Variants in FAM135B observed in about 807,000 individuals in gnomAD.
FAM135B encodes protein FAM135B.
In FAM135B, 43 loss-of-function variants were observed where a neutral mutation model predicts 127.7. That is an observed-to-expected ratio of 0.34 (90% CI 0.26 to 0.43). FAM135B has a LOEUF of 0.43. Among genes scored for constraint, FAM135B ranks in the 20% least tolerant of loss-of-function variants. The pLI is 1.00. For missense variants in FAM135B, 1,558 were observed against 1,725.6 expected (o/e 0.90, Z 1.72); for synonymous variants, 670 against 665.1 (o/e 1.01, Z -0.11).
intron 7 of FAM135B, among the ~76,000 whole-genome samples, chr8:138,197,961 G>A (rs1467449140): frequency 6.6e-6 from 1 of 152,180 alleles, no homozygotes; most frequent in African/African-American, 2.4e-5. Flanking sequence ...AATAACGAAT[G>A]ATCATGAAGG....
intron 7 of FAM135B, among the ~76,000 whole-genome samples, chr8:138,229,013 G>A (rs1427551106): frequency 6.6e-5 from 10 of 151,300 alleles, no homozygotes; most frequent in East Asian, 2.0e-4. Context: ...CCTGCGAAGC[G>A]CCCGTGTTTC....
intron 7 of FAM135B, among the ~76,000 whole-genome samples, chr8:138,216,714 C>G (rs906112068): frequency 3.3e-5 from 5 of 152,146 alleles, no homozygotes; most frequent in Middle Eastern, 3.2e-3. Flanking sequence ...CATTTAAGAG[C>G]CAGTGATGGG....
At chr8:138,227,738 TGGTGGTGGTGGTGGTA>T (rs1353124740) in intron 7 of FAM135B, among the ~76,000 whole-genome samples, 9 of 123,594 alleles carry the variant, frequency 7.3e-5, no homozygotes, top group African/African-American at 2.7e-4. Context: ...TTTTTTTTTT[TGGTGGTGGTGGTGGTA>T]GTTGTTTTTT....
intron 9 of FAM135B, among the ~76,000 whole-genome samples, chr8:138,189,374 A>G (rs1563748148): frequency 6.6e-6 from 1 of 151,906 alleles, no homozygotes; most frequent in Non-Finnish European, 1.5e-5. Context: ...AATCACTTCA[A>G]CCTCATTTTT....
At chr8:138,261,517 T>C (rs947573398) in intron 4 of FAM135B, among the ~76,000 whole-genome samples, 1 of 152,200 alleles carries the variant, frequency 6.6e-6, no homozygotes, top group Non-Finnish European at 1.5e-5. Flanking sequence ...AGCCTTTATT[T>C]TCCTGTATGT....
intron 11 of FAM135B, among the ~76,000 whole-genome samples, chr8:138,174,697 C>A (rs1419099165): frequency 1.3e-5 from 2 of 152,174 alleles, no homozygotes; most frequent in East Asian, 3.9e-4. Context: ...ATAAACATTA[C>A]AATCTCCTAG....
intron 7 of FAM135B, among the ~76,000 whole-genome samples, chr8:138,232,016 T>C (rs9969621): frequency 0.24 from 36,718 of 152,162 alleles, 5,066 homozygotes; most frequent in African/African-American, 0.35. Context: ...AGATTTCATC[T>C]TCCCATTAAG....
intron 7 of FAM135B, among the ~76,000 whole-genome samples, chr8:138,204,031 T>C (rs530468234): frequency 2.6e-5 from 4 of 152,044 alleles, no homozygotes; most frequent in Non-Finnish European, 5.9e-5. Flanking sequence ...TGATGGAGAG[T>C]GGCTGTAAAT....
chr8:138,160,566 T>TG (rs1202295500), intron 12 of FAM135B, among the ~76,000 whole-genome samples: 2 of 150,962 alleles, frequency 1.3e-5, no homozygotes, highest in Non-Finnish European at 3.0e-5. Context: ...TTTTTTTTTT[T>TG]TTTTGTATTT....
At chr8:138,260,095 A>C (rs555037867) in intron 4 of FAM135B, among the ~76,000 whole-genome samples, 24 of 152,302 alleles carry the variant, frequency 1.6e-4, no homozygotes, top group African/African-American at 5.3e-4. Context: ...CCTTTGTCCT[A>C]CTAGGGATAC....
intron 1 of FAM135B, among the ~76,000 whole-genome samples, chr8:138,407,043 A>G (rs1032670781): frequency 5.3e-5 from 8 of 151,228 alleles, no homozygotes; most frequent in African/African-American, 1.9e-4. Flanking sequence ...TAAGCTGATA[A>G]GCAACTTCAG....
chr8:138,131,630 T>C lies in FAM135B; in HGVS notation c.*963A>G, dbSNP rs1000338151. On this transcript the variant is annotated 3_prime_UTR_variant, in exon 20 of 20. Transcript: ENST00000395297. Reference sequence around the variant, plus strand: ...AATCCAGCACTCCTCCATTTAGATGTTTTCCTCCTTCCATGGAGAGGAGAA... The same window carrying C: ...AATCCAGCACTCCTCCATTTAGATGCTTTCCTCCTTCCATGGAGAGGAGAA... 6.6e-6 allele frequency: 1 copy of C among 152,646 alleles called. No homozygotes were observed. Among genetic ancestry groups the C allele is most frequent in the Non-Finnish European group, 1.5e-5 (1 of 68,046 alleles). 9.5% of individuals were successfully genotyped at this position (152,646 alleles called of 1,614,324 possible).
chr8:138,292,346 A>C (rs1825174607), intron 3 of FAM135B, among the ~76,000 whole-genome samples: 1 of 152,138 alleles, frequency 6.6e-6, no homozygotes, highest in Non-Finnish European at 1.5e-5. Context: ...ATGCCATTTA[A>C]AGCAACCTAT....
chr8:138,156,659 C>A (rs1039098775), intron 12 of FAM135B, among the ~76,000 whole-genome samples: 21 of 152,102 alleles, frequency 1.4e-4, no homozygotes, highest in Non-Finnish European at 1.2e-4. Context: ...TCAGAGAATA[C>A]TAAAAACACC....
At chr8:138,394,931 G>A (rs1031348730) in intron 1 of FAM135B, among the ~76,000 whole-genome samples, 1 of 152,304 alleles carries the variant, frequency 6.6e-6, no homozygotes. Flanking sequence ...GCCAAAGGGA[G>A]GGGAACACAC....
At chr8:138,341,172 C>G (rs189601780) in intron 2 of FAM135B, among the ~76,000 whole-genome samples, 13 of 152,338 alleles carry the variant, frequency 8.5e-5, no homozygotes. Flanking sequence ...AAATGTCCAT[C>G]ACCAGATGAC....
Position 138,472,784 on chromosome 8 carries a change from G to A in FAM135B, c.-20+23887C>T, listed in dbSNP as rs143863292. Among the ~76,000 whole-genome samples the A allele has an allele frequency of 2.5e-3, 377 of 152,260 alleles. 2 individuals are homozygous for A. Among genetic ancestry groups the A allele is most frequent in the East Asian group, 0.012 (60 of 5,172 alleles). ...ACAGCCTCAGCGAGGGGAGTCCCAC[G>A]TTTAGAAGGACTCAAGACTGAGCGC... is the stretch of plus-strand genomic sequence containing the variant. On this transcript the variant is annotated intron_variant, in intron 1 of 19. Coordinates refer to ENST00000395297, the MANE Select transcript of FAM135B (RefSeq NM_015912.4).
At chr8:138,339,376 TA>T in intron 2 of FAM135B, among the ~76,000 whole-genome samples, 1 of 150,668 alleles carries the variant, frequency 6.6e-6, no homozygotes, top group East Asian at 2.0e-4. Context: ...TATATATATA[TA>T]TATATATTTT....
intron 1 of FAM135B, among the ~76,000 whole-genome samples, chr8:138,442,700 G>A (rs539709051): frequency 6.6e-6 from 1 of 152,138 alleles, no homozygotes; most frequent in East Asian, 1.9e-4. Context: ...AATGTAAAAA[G>A]TAATAGATCT....
Sources: gnomAD v4.1 joint callset for allele counts (sites outside exome capture counted in the v4.1 genomes callset) on GRCh38, gnomAD v4.1.1 for gene constraint, MANE v1.5 for transcripts, NCBI Gene and HGNC (gene_info 2026-07-23, HGNC 2026-07-21) for gene names.